Variants in PCGF5 observed in about 807,000 individuals in gnomAD.
The protein encoded by PCGF5 is polycomb group RING finger protein 5.
In PCGF5, 9 loss-of-function variants were observed where a neutral mutation model predicts 44.3. The observed-to-expected ratio is 0.20, with a 90% CI of 0.12 to 0.35. PCGF5 has a LOEUF of 0.35. PCGF5 is among the 10% of genes least tolerant of loss of function. PCGF5 has a pLI of 1.00. For missense variants in PCGF5, 146 were observed against 305.3 expected, an observed-to-expected ratio of 0.48 and a Z score of 3.89; for synonymous variants, 95 against 102.5, an observed-to-expected ratio of 0.93 and a Z score of 0.44.
At position 91,283,069 on chromosome 10, in the gene PCGF5, A is replaced by G. The variant is rs966619026; in HGVS notation, c.*4753A>G. 1 of 152,198 alleles carries G rather than the reference A, an allele frequency of 6.6e-6. No individual in the cohort carries two copies. Among genetic ancestry groups the G allele is most frequent in the Non-Finnish European group, 1.5e-5 (1 of 68,032 alleles). The allele number at this position is 152,198 out of a possible 1,614,324, so 9.4% of individuals were successfully genotyped here. ...AAACCTAGTTGAGTAGCATTTTGAC[A>G]GAAAATATCAGACTGAAAGTTCATT... On this transcript the variant is annotated 3_prime_UTR_variant, in exon 10 of 10. Transcript: ENST00000336126.
chr10:91,195,485 TAGAG>T (rs57633765), intron 1 of PCGF5, among the ~76,000 whole-genome samples: 1,654 of 113,518 alleles, frequency 0.015, 31 homozygotes, highest in African/African-American at 0.045. Flanking sequence ...TATATATATA[TAGAG>T]AGAGAGAGAG....
At chr10:91,176,568 A>C (rs1234804552) in intron 1 of PCGF5, among the ~76,000 whole-genome samples, 3 of 152,110 alleles carry the variant, frequency 2.0e-5, no homozygotes, top group Admixed American at 6.5e-5. Context: ...TAGATTTGGT[A>C]TTTTCACATA....
At chr10:91,185,737 T>G (rs1490175721) in intron 1 of PCGF5, among the ~76,000 whole-genome samples, 1 of 152,228 alleles carries the variant, frequency 6.6e-6, no homozygotes, top group Non-Finnish European at 1.5e-5. Flanking sequence ...AGGGTTCTCC[T>G]GACCCGGGAG....
chr10:91,244,380 C>G (rs1462513528), intron 3 of PCGF5, among the ~76,000 whole-genome samples: 1 of 152,088 alleles, frequency 6.6e-6, no homozygotes, highest in East Asian at 1.9e-4. Flanking sequence ...GTTGGACGAC[C>G]AGCAAGGAGA....
At chr10:91,195,670 C>T (rs2015609438) in intron 1 of PCGF5, among the ~76,000 whole-genome samples, 1 of 151,888 alleles carries the variant, frequency 6.6e-6, no homozygotes, top group Non-Finnish European at 1.5e-5. Context: ...CTCCTGGGCT[C>T]AAGCAATCCT....
chr10:91,162,477 C>T (rs1843403543), upstream of PCGF5, among the ~76,000 whole-genome samples: 2 of 152,148 alleles, frequency 1.3e-5, no homozygotes, highest in African/African-American at 4.8e-5. Context: ...CAAGGGCACG[C>T]TTCCTCCGTC....
At chr10:91,163,522 C>A (rs1243967587) in intron 1 of PCGF5, among the ~76,000 whole-genome samples, 1 of 152,000 alleles carries the variant, frequency 6.6e-6, no homozygotes, top group Non-Finnish European at 1.5e-5. Flanking sequence ...GCGGCGCCTC[C>A]GCCGAGGAGG....
intron 1 of PCGF5, among the ~76,000 whole-genome samples, chr10:91,199,423 T>C (rs1425410091): frequency 6.6e-6 from 1 of 152,182 alleles, no homozygotes; most frequent in African/African-American, 2.4e-5. Context: ...GGCCAGGCCT[T>C]TATACTCCAG....
chr10:91,225,230 CATATATGTATATATGATATATATCGT>C lies in PCGF5; in HGVS notation c.112+2261_112+2286del, dbSNP rs1465741976. On this transcript the variant is annotated intron_variant, in intron 2 of 9. Transcript: ENST00000336126. Reference sequence around the variant, plus strand: ...TATATATCATATATTTGATATATATCATATATGTATATATGATATATATCGTATATATGTATATACGATATATATCA... The same window carrying C: ...TATATATCATATATTTGATATATATCATATATGTATATACGATATATATCA... Among the ~76,000 whole-genome samples, 162 of 145,892 alleles carry C rather than the reference CATATATGTATATATGATATATATCGT, an allele frequency of 1.1e-3. No homozygotes were observed. The Middle Eastern group carries it at 0.015, about 13-fold the overall frequency.
chr10:91,179,202 T>A (rs559378812), intron 1 of PCGF5, among the ~76,000 whole-genome samples: 1 of 152,236 alleles, frequency 6.6e-6, no homozygotes, highest in South Asian at 2.1e-4. Flanking sequence ...TATCCTCAGA[T>A]CTGAACTAGT....
intron 1 of PCGF5, 86 bp from the exon 2 acceptor site, chr10:91,222,603 A>G (rs1337949946): frequency 2.1e-6 from 1 of 486,516 alleles, no homozygotes; most frequent in Admixed American, 3.7e-5. Flanking sequence ...AACATGTAAC[A>G]CTTGCTGTTA....
In PCGF5 at chr10:91,278,271, A is replaced by G; in HGVS notation, c.726A>G (p.Ser242=). The change falls in exon 10 of 10, where the codon TCA becomes TCG. Residue 242 remains serine, a splice_region_variant and synonymous_variant. Transcript: ENST00000336126. ...TATTATCTGTCTTTATTTTGTAGTC[A>G]TACCCTATGGTACTGCAGTATCGAC... ...VCSQDGPLYQ[S]YPMVLQYRPR... is the part of the protein sequence containing the mutation. The G allele has an allele frequency of 6.2e-7, 1 of 1,608,276 alleles. No homozygotes were observed.
At chr10:91,165,732 T>A (rs940932364) in intron 1 of PCGF5, among the ~76,000 whole-genome samples, 5 of 152,246 alleles carry the variant, frequency 3.3e-5, no homozygotes, top group African/African-American at 9.6e-5. Flanking sequence ...ATTTTAAACA[T>A]CTTAAATGGA....
chr10:91,177,561 G>A (rs1015989217), intron 1 of PCGF5, among the ~76,000 whole-genome samples: 6 of 152,168 alleles, frequency 3.9e-5, no homozygotes, highest in South Asian at 2.1e-4. Flanking sequence ...CACCCAGTTC[G>A]AGCTTCCTGG....
In PCGF5 at chr10:91,196,527, C is replaced by A. The variant is rs1218919921; in HGVS notation, c.-183-26162C>A. On this transcript the variant is annotated intron_variant, in intron 1 of 9. Transcript: ENST00000614189. ...CCAGATCTTTCCATGGCTTCACAGT[C>A]ATGCAGGTTTCAGCAGAAATGTTGT... Among the ~76,000 whole-genome samples the A allele has an allele frequency of 2.0e-5, 3 of 152,320 alleles. No homozygotes were observed. The East Asian group carries it at 5.8e-4, about 29-fold the overall frequency.
intron 1 of PCGF5, among the ~76,000 whole-genome samples, chr10:91,171,866 A>G (rs1178221767): frequency 4.6e-5 from 7 of 152,174 alleles, no homozygotes; most frequent in Admixed American, 3.9e-4. Context: ...TTCGGGAACT[A>G]TGAGGCCAAA....
chr10:91,215,624 T>TAA (rs1316284742), upstream of PCGF5, among the ~76,000 whole-genome samples: 1 of 152,234 alleles, frequency 6.6e-6, no homozygotes, highest in East Asian at 1.9e-4. Flanking sequence ...GGGCCTCTTC[T>TAA]CAGAGCTGCT....
chr10:91,275,349 A>G (rs1464160888), intron 9 of PCGF5, among the ~76,000 whole-genome samples: 1 of 152,150 alleles, frequency 6.6e-6, no homozygotes, highest in Non-Finnish European at 1.5e-5. Flanking sequence ...TGCCAAATTA[A>G]GAGGTGGGGA....
chr10:91,261,483 C>T, intron 7 of PCGF5, 59 bp downstream of exon 7: 2 of 1,342,808 alleles, frequency 1.5e-6, no homozygotes, highest in Admixed American at 5.9e-5. Context: ...AAGTAAAATT[C>T]TAACAAAAGT....
Sources: gnomAD v4.1 joint callset for allele counts (sites outside exome capture counted in the v4.1 genomes callset) on GRCh38, gnomAD v4.1.1 for gene constraint, MANE v1.5 for transcripts, NCBI Gene and HGNC (gene_info 2026-07-23, HGNC 2026-07-21) for gene names.